Variants in VPS13A observed in about 807,000 individuals in gnomAD.
VPS13A encodes the protein vacuolar protein sorting 13 homolog A.
A neutral mutation model predicts 390.9 loss-of-function variants in VPS13A; 264 were observed. The observed-to-expected ratio is 0.68, with a 90% CI of 0.61 to 0.75. The LOEUF is 0.75. Ranked by LOEUF, VPS13A falls within the 30% of genes least tolerant of loss-of-function variation. The pLI, the probability that VPS13A is intolerant of heterozygous loss-of-function variation, is 0.00. For synonymous variants in VPS13A, 1,231 were observed against 1,227.1 expected, an observed-to-expected ratio of 1.00 and a Z score of -0.07; for missense variants, 3,409 against 3,733.9, an observed-to-expected ratio of 0.91 and a Z score of 2.27.
intron 4 of VPS13A, 60 bp downstream of exon 4, chr9:77,205,468 TTTATA>T: frequency 1.3e-6 from 1 of 797,684 alleles, no homozygotes; most frequent in Non-Finnish European, 1.8e-6. Flanking sequence ...TGGAAAAATA[TTTATA>T]TTCAAAATAC....
chr9:77,277,456 T>A (rs902523130), intron 26 of VPS13A, among the ~76,000 whole-genome samples: 1 of 152,198 alleles, frequency 6.6e-6, no homozygotes, highest in Non-Finnish European at 1.5e-5. Flanking sequence ...GTCCACAATT[T>A]ACATTAAGGT....
At chr9:77,395,450 A>G (rs1363484459) in intron 68 of VPS13A, among the ~76,000 whole-genome samples, 3 of 152,232 alleles carry the variant, frequency 2.0e-5, no homozygotes, top group Non-Finnish European at 4.4e-5. Flanking sequence ...ACAGATCACC[A>G]TAACAGATAT....
chr9:77,222,981 C>A (rs563673758), intron 13 of VPS13A, among the ~76,000 whole-genome samples: 43 of 152,274 alleles, frequency 2.8e-4, no homozygotes, highest in African/African-American at 9.9e-4. Flanking sequence ...AAGCTATAAC[C>A]AAACCAGCTG....
chr9:77,383,177 A>C (rs1248262777), intron 68 of VPS13A, among the ~76,000 whole-genome samples: 1 of 152,072 alleles, frequency 6.6e-6, no homozygotes, highest in Non-Finnish European at 1.5e-5. Flanking sequence ...ATAGTATTGC[A>C]TAAAATATAC....
chr9:77,388,460 T>C (rs2131624999), intron 68 of VPS13A, among the ~76,000 whole-genome samples: 1 of 152,280 alleles, frequency 6.6e-6, no homozygotes, highest in South Asian at 2.1e-4. Flanking sequence ...TCAATAAGTA[T>C]GATAAATTTA....
chr9:77,297,252 A>G (rs1828060474), intron 33 of VPS13A, among the ~76,000 whole-genome samples: 1 of 152,014 alleles, frequency 6.6e-6, no homozygotes, highest in African/African-American at 2.4e-5. Flanking sequence ...TATAAATTGG[A>G]GTACTTTATA....
rs773483186 is a variant in VPS13A at position 77,226,560 on chromosome 9, A to G, written c.1319A>G (p.Gln440Arg). ...WFSWLWSWSE[Q>R]NTNEQQPDVQ... is the part of the protein sequence containing the mutation. ...AGCTGGCTATGGTCTTGGTCAGAAC[A>G]AAATACTAATGAACAGCAACCAGAT... Residue 440 changes from glutamine to arginine, a missense_variant, in exon 15 of 72, where the codon CAA becomes CGA. By Grantham distance (43) the Gln-to-Arg change is conservative (BLOSUM62 1). Coordinates refer to ENST00000360280, the MANE Select transcript of VPS13A (RefSeq NM_033305.3). The G allele has an allele frequency of 1.2e-6, 2 of 1,613,120 alleles. No homozygotes were observed. Among genetic ancestry groups the G allele is most frequent in the Non-Finnish European group, 1.7e-6 (2 of 1,179,380 alleles).
At chr9:77,373,041 G>C (rs1018123231) in intron 67 of VPS13A, among the ~76,000 whole-genome samples, 4 of 152,232 alleles carry the variant, frequency 2.6e-5, no homozygotes, top group South Asian at 2.1e-4. Flanking sequence ...AATCAATATC[G>C]TGAAAATGGC....
chr9:77,384,557 CT>C, intron 68 of VPS13A: 1 of 1,610,992 alleles, frequency 6.2e-7, no homozygotes, highest in South Asian at 1.1e-5. Context: ...AACCTTTGTG[CT>C]TCTTTTTTCC....
At chr9:77,320,277 A>G (rs1229203351) in intron 42 of VPS13A, among the ~76,000 whole-genome samples, 4 of 152,136 alleles carry the variant, frequency 2.6e-5, no homozygotes, top group Non-Finnish European at 5.9e-5. Flanking sequence ...CGTTAAATCC[A>G]CTCTAAACCA....
intron 54 of VPS13A, among the ~76,000 whole-genome samples, chr9:77,353,917 A>G (rs982966069): frequency 7.9e-5 from 12 of 152,124 alleles, no homozygotes; most frequent in African/African-American, 2.7e-4. Flanking sequence ...TGTTTTGCAT[A>G]TCATACAAAA....
intron 68 of VPS13A, among the ~76,000 whole-genome samples, chr9:77,400,116 A>G (rs756003171): frequency 6.6e-6 from 1 of 152,074 alleles, no homozygotes; most frequent in South Asian, 2.1e-4. Flanking sequence ...ACTTTTGCCT[A>G]AGATAAATTC....
chr9:77,246,766 G>GA (rs1238147633), intron 19 of VPS13A, among the ~76,000 whole-genome samples: 1 of 152,108 alleles, frequency 6.6e-6, no homozygotes, highest in Non-Finnish European at 1.5e-5. Flanking sequence ...CTAGGGAATG[G>GA]AAAACTCTGG....
intron 46 of VPS13A, among the ~76,000 whole-genome samples, chr9:77,334,602 A>G (rs145704938): frequency 6.6e-6 from 1 of 150,702 alleles, no homozygotes; most frequent in African/African-American, 2.5e-5. Flanking sequence ...TTTGGTACCT[A>G]TCACAATGCA....
intron 6 of VPS13A, among the ~76,000 whole-genome samples, chr9:77,210,225 C>T (rs1341402028): frequency 7.4e-6 from 1 of 135,564 alleles, no homozygotes; most frequent in Non-Finnish European, 1.6e-5. Flanking sequence ...CTTCTCTCCC[C>T]TCCCCTCCCC....
chr9:77,369,419 T>C lies in VPS13A; in HGVS notation c.8667+7T>C, dbSNP rs772455203. 4 of 1,548,652 alleles carry C rather than the reference T, an allele frequency of 2.6e-6. No homozygotes were observed. Among genetic ancestry groups the C allele is most frequent in the Non-Finnish European group, 3.6e-6 (4 of 1,120,708 alleles). ...TTTTTATGAACCTTACCAGGTAAAA[T>C]AGTTATTTTTGTGGTTGTGCAATAT... On this transcript the variant is annotated splice_region_variant and intron_variant, in intron 63 of 71. Coordinates refer to ENST00000360280, the MANE Select transcript of VPS13A (RefSeq NM_033305.3).
rs1008977940 is a variant in VPS13A at position 77,225,916 on chromosome 9, TA to T, written c.1162-9del. The T allele has an allele frequency of 6.2e-7, 1 of 1,605,254 alleles. No individual in the cohort carries two copies. Among genetic ancestry groups the T allele is most frequent in the Non-Finnish European group, 8.5e-7 (1 of 1,173,084 alleles). On this transcript the variant is annotated splice_polypyrimidine_tract_variant and intron_variant, in intron 13 of 71. Transcript: ENST00000360280. ...TGTAAAGTTAACACATTTTTGTTTA[TA>T]TTTTTCAGGAGTTGGAAAAAACCTT...
intron 14 of VPS13A, 62 bp from the exon 15 acceptor site, chr9:77,226,404 A>G (rs145937238): frequency 2.4e-4 from 345 of 1,466,364 alleles, no homozygotes; most frequent in Non-Finnish European, 3.1e-4. Context: ...TCTTGCTTAT[A>G]TTTGTTTCAG....
chr9:77,186,594 T>C (rs1824354324), intron 1 of VPS13A, among the ~76,000 whole-genome samples: 1 of 152,074 alleles, frequency 6.6e-6, no homozygotes, highest in African/African-American at 2.4e-5. Flanking sequence ...CATGCCACCA[T>C]GCCCAGCTAA....
Sources: allele counts gnomAD v4.1 joint callset (sites outside exome capture counted in the v4.1 genomes callset), GRCh38; gene constraint gnomAD v4.1.1; transcripts MANE v1.5; gene names NCBI Gene and HGNC (gene_info 2026-07-23, HGNC 2026-07-21).